KMT2E: variants seen among roughly 807,000 people sequenced by gnomAD.
KMT2E encodes the protein lysine methyltransferase 2E (inactive).
In KMT2E, 30 loss-of-function variants were observed where a neutral mutation model predicts 184.6. The observed-to-expected ratio is 0.16, with a 90% CI of 0.12 to 0.22. The LOEUF (loss-of-function observed/expected upper bound fraction) is 0.22, where lower values mean the gene tolerates loss of function less well. Among genes scored for constraint, KMT2E ranks in the 10% least tolerant of loss-of-function variants. The probability of loss-of-function intolerance (pLI) is 1.00; values close to 1 mark genes in which losing one functional copy is unlikely to be tolerated. For missense variants in KMT2E, 2,023 were observed against 2,237.4 expected (o/e 0.90, Z 1.93); for synonymous variants, 815 against 776.5 (o/e 1.05, Z -0.82).
intron 3 of KMT2E, among the ~76,000 whole-genome samples, chr7:105,054,514 A>ATCTGTCTGTCTG (rs975762973): frequency 7.3e-6 from 1 of 137,460 alleles, no homozygotes; most frequent in Non-Finnish European, 1.6e-5. Flanking sequence ...CTATCTATCT[A>ATCTGTCTGTCTG]TCTGTCTGTC....
intron 14 of KMT2E, 109 bp downstream of exon 14, chr7:105,090,382 A>G: frequency 1.6e-6 from 2 of 1,238,138 alleles, no homozygotes; most frequent in African/African-American, 1.5e-5. Context: ...TTTTAAGTCC[A>G]TTCTGTCATT....
intron 1 of KMT2E, among the ~76,000 whole-genome samples, chr7:105,035,911 T>C (rs1461498942): frequency 1.3e-5 from 2 of 152,198 alleles, no homozygotes; most frequent in African/African-American, 4.8e-5. Flanking sequence ...TTGTGGTGTT[T>C]TAATGCATTG....
intron 5 of KMT2E, among the ~76,000 whole-genome samples, chr7:105,064,683 C>T (rs1162670433): frequency 6.6e-6 from 1 of 151,978 alleles, no homozygotes; most frequent in African/African-American, 2.4e-5. Flanking sequence ...AGTACCTTTC[C>T]AAATGTAAAA....
In KMT2E at chr7:105,070,634, A is replaced by C. The variant is rs978746158; in HGVS notation, c.498-2985A>C. Among the ~76,000 whole-genome samples, 4 of 37,022 alleles carry C rather than the reference A, an allele frequency of 1.1e-4. No individual in the cohort carries two copies. In the African/African-American group the frequency reaches 1.4e-3, roughly 13 times the overall value. 24.3% of individuals were successfully genotyped at this position (37,022 alleles called of 152,430 possible). Reference sequence around the variant, plus strand: ...TGTGAGAGAGCGGGACTGTGTCTCAAAAAAAAAAAAAAAAAAAAAAAAGCA... The same window carrying C: ...TGTGAGAGAGCGGGACTGTGTCTCACAAAAAAAAAAAAAAAAAAAAAAGCA... On this transcript the variant is annotated intron_variant, in intron 6 of 26. Transcript: ENST00000311117.
At chr7:105,076,913 TG>T in intron 9 of KMT2E, 49 bp from the exon 10 acceptor site, 2 of 859,246 alleles carry the variant, frequency 2.3e-6, no homozygotes, top group Non-Finnish European at 3.9e-6. Flanking sequence ...TGTGTGTGTG[TG>T]TGTGTAAGTC....
In KMT2E at chr7:105,015,057, TTTGTGGGAGAGCGAGACAGCTA is replaced by T. The variant is rs58640632; in HGVS notation, c.-189+523_-189+544del. Among the ~76,000 whole-genome samples the T allele has an allele frequency of 8.4e-3, 1,278 of 152,220 alleles. 16 individuals carry two copies. The highest frequency in any genetic ancestry group is 0.03 in the African/African-American group (1,225 of 41,518). ...AAGAAGAACGCCCTGGGCATCTCTC[TTTGTGGGAGAGCGAGACAGCTA>T]GCTCCTCATCCTCTCCTGGAGAGGG... On this transcript the variant is annotated intron_variant, in intron 1 of 26. Transcript: ENST00000311117.
At position 105,101,329 on chromosome 7, in the gene KMT2E, T is replaced by C. The variant is rs573642027; in HGVS notation, c.1723-96T>C. On this transcript the variant is annotated intron_variant, in intron 15 of 26. Coordinates refer to ENST00000311117, the MANE Select transcript of KMT2E (RefSeq NM_182931.3). Reference sequence around the variant, plus strand: ...TAGAAGTAGTTTGCTGATAGTATCATAGCAATTATTTTTTACATTTATCAC... The same window carrying C: ...TAGAAGTAGTTTGCTGATAGTATCACAGCAATTATTTTTTACATTTATCAC... The C allele has an allele frequency of 7.1e-5, 58 of 812,132 alleles. No homozygotes were observed. In the South Asian group the frequency reaches 7.5e-4, roughly 10 times the overall value. The allele number at this position is 812,132 out of a possible 1,614,324, so 50.3% of individuals were successfully genotyped here.
intron 1 of KMT2E, among the ~76,000 whole-genome samples, chr7:105,032,483 ATTTAC>A (rs1195170467): frequency 6.6e-6 from 1 of 152,086 alleles, no homozygotes; most frequent in African/African-American, 2.4e-5. Context: ...AAAAAAAGTT[ATTTAC>A]TTATTTTTGT....
intron 6 of KMT2E, among the ~76,000 whole-genome samples, chr7:105,068,629 T>G (rs1797146969): frequency 7.2e-6 from 1 of 138,978 alleles, no homozygotes; most frequent in Non-Finnish European, 1.5e-5. Context: ...TTGTGGTTTT[T>G]TTTTTTTTTG....
intron 15 of KMT2E, among the ~76,000 whole-genome samples, chr7:105,097,543 G>A (rs1220879203): frequency 6.6e-6 from 1 of 151,914 alleles, no homozygotes; most frequent in Non-Finnish European, 1.5e-5. Flanking sequence ...CCACCACCAC[G>A]CCTGGCTAAT....
intron 3 of KMT2E, among the ~76,000 whole-genome samples, chr7:105,046,999 A>T (rs1796135094): frequency 6.6e-6 from 1 of 152,236 alleles, no homozygotes; most frequent in South Asian, 2.1e-4. Flanking sequence ...ATCCAAAGCG[A>T]AATCAGCAAA....
At chr7:105,078,787 T>C (rs1797636617) in intron 11 of KMT2E, 59 bp from the exon 12 acceptor site, 2 of 904,718 alleles carry the variant, frequency 2.2e-6, no homozygotes, top group Non-Finnish European at 3.5e-6. Context: ...GAATTACAGG[T>C]GTGAACCAGC....
At chr7:105,104,811 G>A (rs745392506) in intron 17 of KMT2E, 4 of 152,016 alleles carry the variant, frequency 2.6e-5, no homozygotes, top group African/African-American at 9.7e-5. Flanking sequence ...TAATAGAAGC[G>A]GTAGTAAACC....
intron 1 of KMT2E, among the ~76,000 whole-genome samples, chr7:105,026,111 T>A (rs1320576263): frequency 6.6e-6 from 1 of 152,188 alleles, no homozygotes; most frequent in South Asian, 2.1e-4. Context: ...ATACATGTAT[T>A]ATAATTCTCC....
chr7:105,033,054 A>G (rs1354456136), intron 1 of KMT2E, among the ~76,000 whole-genome samples: 1 of 152,228 alleles, frequency 6.6e-6, no homozygotes, highest in Non-Finnish European at 1.5e-5. Flanking sequence ...CCACAGATGT[A>G]GCAAACATGA....
intron 3 of KMT2E, among the ~76,000 whole-genome samples, chr7:105,045,678 C>T (rs1429509203): frequency 6.6e-6 from 1 of 152,072 alleles, no homozygotes; most frequent in Non-Finnish European, 1.5e-5. Flanking sequence ...CTATATTTTG[C>T]TTATCCATTC....
intron 18 of KMT2E, 66 bp from the exon 19 acceptor site, chr7:105,105,793 T>C: frequency 6.4e-7 from 1 of 1,570,846 alleles, no homozygotes; most frequent in Non-Finnish European, 8.6e-7. Flanking sequence ...ATCGGCTCTG[T>C]ATTTACAGGC....
At chr7:105,070,204 A>G (rs1797225615) in intron 6 of KMT2E, among the ~76,000 whole-genome samples, 1 of 152,172 alleles carries the variant, frequency 6.6e-6, no homozygotes, top group Non-Finnish European at 1.5e-5. Flanking sequence ...TTAAATGCCC[A>G]AGAGAACAGC....
At chr7:105,087,408 CAG>C (rs1798029089) in intron 13 of KMT2E, among the ~76,000 whole-genome samples, 1 of 148,982 alleles carries the variant, frequency 6.7e-6, no homozygotes, top group African/African-American at 2.5e-5. Context: ...TTCATGAATG[CAG>C]AGGTCTTTTT....
Sources: allele counts gnomAD v4.1 joint callset (sites outside exome capture counted in the v4.1 genomes callset), GRCh38; gene constraint gnomAD v4.1.1; transcripts MANE v1.5; gene names NCBI Gene and HGNC (gene_info 2026-07-23, HGNC 2026-07-21).